The following RPS6KC1 variants were observed in gnomAD, a reference collection of about 807,000 sequenced individuals.
RPS6KC1 encodes inactive ribosomal protein S6 kinase delta-1.
RPS6KC1 carries 54 observed loss-of-function variants against 103.8 expected under a neutral mutation model. The ratio of observed to expected loss-of-function variants is 0.52; its 90% CI spans 0.42 to 0.65. The LOEUF is 0.65. Ranked by LOEUF, RPS6KC1 falls within the 30% of genes least tolerant of loss-of-function variation. The pLI, the probability that RPS6KC1 is intolerant of heterozygous loss-of-function variation, is 0.00. For missense variants in RPS6KC1, 1,151 were observed against 1,253.8 expected (o/e 0.92, Z 1.24); for synonymous variants, 439 against 438.7 (o/e 1.00, Z -0.01).
At chr1:213,391,610 T>G in the RPS6KC1 span, among the ~76,000 whole-genome samples, 2 of 152,226 alleles carry the variant, frequency 1.3e-5, no homozygotes, top group Admixed American at 6.5e-5. Context: ...GATCAAGTCT[T>G]GGCTCTGCCA....
the RPS6KC1 span, among the ~76,000 whole-genome samples, chr1:213,551,646 T>C: frequency 6.6e-6 from 1 of 152,234 alleles, no homozygotes; most frequent in African/African-American, 2.4e-5. Context: ...CCTCCCCCAC[T>C]ATCAACATCC....
At chr1:213,630,641 G>A in the RPS6KC1 span, among the ~76,000 whole-genome samples, 61 of 152,328 alleles carry the variant, frequency 4.0e-4, no homozygotes, top group Non-Finnish European at 2.5e-4. Flanking sequence ...TTCCTTTGGA[G>A]GAGGAGAGGT....
At chr1:213,518,478 G>A in the RPS6KC1 span, among the ~76,000 whole-genome samples, 11 of 152,194 alleles carry the variant, frequency 7.2e-5, no homozygotes, top group Admixed American at 5.2e-4. Flanking sequence ...AAGAAGCAAG[G>A]AAGGATCCTC....
intron 10 of RPS6KC1, among the ~76,000 whole-genome samples, chr1:213,235,577 A>T (rs552919039): frequency 6.6e-6 from 1 of 152,192 alleles, no homozygotes; most frequent in South Asian, 2.1e-4. Context: ...TAAGGAAAGG[A>T]TGTCTTGGCA....
At chr1:213,453,322 A>T in the RPS6KC1 span, among the ~76,000 whole-genome samples, 8 of 152,192 alleles carry the variant, frequency 5.3e-5, no homozygotes, top group Non-Finnish European at 7.3e-5. Context: ...TATGAGAAAG[A>T]TAATCATGCC....
chr1:213,472,397 C>G, the RPS6KC1 span, among the ~76,000 whole-genome samples: 1 of 152,296 alleles, frequency 6.6e-6, no homozygotes, highest in Admixed American at 6.5e-5. Flanking sequence ...AACCTTTATT[C>G]TTCCCAGCTT....
chr1:213,628,218 T>G, the RPS6KC1 span, among the ~76,000 whole-genome samples: 3 of 152,242 alleles, frequency 2.0e-5, no homozygotes, highest in Admixed American at 2.0e-4. Flanking sequence ...TAGAGGTGTT[T>G]ATAGTATTCT....
the RPS6KC1 span, among the ~76,000 whole-genome samples, chr1:213,782,563 A>G: frequency 1.3e-5 from 2 of 152,182 alleles, no homozygotes; most frequent in East Asian, 3.9e-4. Flanking sequence ...TAAAAAGTAA[A>G]AAAAGGCTAG....
chr1:213,594,965 T>G, the RPS6KC1 span, among the ~76,000 whole-genome samples: 7 of 152,044 alleles, frequency 4.6e-5, no homozygotes, highest in Non-Finnish European at 7.4e-5. Context: ...CACTGGGGGT[T>G]GGGAGAGAGG....
chr1:213,114,589 C>T (rs1277106796), intron 4 of RPS6KC1, among the ~76,000 whole-genome samples: 1 of 151,676 alleles, frequency 6.6e-6, no homozygotes, highest in East Asian at 1.9e-4. Context: ...ACTTCCAACA[C>T]TATGTTGAAT....
chr1:213,738,873 T>TAAAA, the RPS6KC1 span, among the ~76,000 whole-genome samples: 1 of 144,316 alleles, frequency 6.9e-6, no homozygotes, highest in Non-Finnish European at 1.5e-5. Flanking sequence ...AATAAATAAA[T>TAAAA]AAAAAGCTTT....
chr1:213,823,811 C>T, the RPS6KC1 span, among the ~76,000 whole-genome samples: 2 of 151,064 alleles, frequency 1.3e-5, no homozygotes, highest in South Asian at 2.1e-4. Flanking sequence ...TAAGATCTTG[C>T]GTTGAACCAA....
At chr1:213,819,315 T>C in the RPS6KC1 span, 1 of 152,228 alleles carries the variant, frequency 6.6e-6, no homozygotes, top group Non-Finnish European at 1.5e-5. Flanking sequence ...TGAAATTATA[T>C]AGTGCGTTTA....
chr1:213,578,365 CAG>C, the RPS6KC1 span, among the ~76,000 whole-genome samples: 1 of 152,232 alleles, frequency 6.6e-6, no homozygotes. Context: ...AGCCCGTACA[CAG>C]AGTTCCCACT....
the RPS6KC1 span, among the ~76,000 whole-genome samples, chr1:213,847,168 T>A: frequency 6.6e-6 from 1 of 152,196 alleles, no homozygotes; most frequent in Admixed American, 6.5e-5. Flanking sequence ...GTCATTATAA[T>A]AAAATTTATT....
At chr1:213,384,191 G>A in the RPS6KC1 span, among the ~76,000 whole-genome samples, 1 of 152,042 alleles carries the variant, frequency 6.6e-6, no homozygotes, top group African/African-American at 2.4e-5. Context: ...CAGGAGAATG[G>A]CGTGAACCCA....
intron 12 of RPS6KC1, among the ~76,000 whole-genome samples, chr1:213,247,818 A>G (rs2094477428): frequency 6.6e-6 from 1 of 152,214 alleles, no homozygotes; most frequent in African/African-American, 2.4e-5. Flanking sequence ...TTTTCCCCCC[A>G]AGGGTAAATA....
the RPS6KC1 span, among the ~76,000 whole-genome samples, chr1:213,375,827 C>A: frequency 5.3e-5 from 8 of 152,236 alleles, no homozygotes; most frequent in Non-Finnish European, 1.5e-5. Context: ...TTTGCCTCCT[C>A]CCCGCTCTAC....
intron 10 of RPS6KC1, among the ~76,000 whole-genome samples, chr1:213,234,247 G>A (rs749683117): frequency 5.9e-5 from 9 of 152,086 alleles, no homozygotes; most frequent in Non-Finnish European, 1.2e-4. Context: ...CTGGCCTCAA[G>A]CGATTCTCCT....
Sources: allele counts gnomAD v4.1 joint callset (sites outside exome capture counted in the v4.1 genomes callset), GRCh38; gene constraint gnomAD v4.1.1; transcripts MANE v1.5; gene names NCBI Gene and HGNC (gene_info 2026-07-23, HGNC 2026-07-21).